Variants in ALK observed in about 807,000 individuals in gnomAD.
ALK encodes ALK tyrosine kinase receptor.
A neutral mutation model predicts 163.1 loss-of-function variants in ALK; 74 were observed. The ratio of observed to expected loss-of-function variants is 0.45; its 90% CI spans 0.38 to 0.55. The LOEUF (loss-of-function observed/expected upper bound fraction) is 0.55, where lower values mean the gene tolerates loss of function less well. ALK is among the 20% of genes least tolerant of loss of function. The pLI is 0.00. For synonymous variants in ALK, 960 were observed against 843.2 expected, an observed-to-expected ratio of 1.14 and a Z score of -2.40; for missense variants, 2,063 against 2,105.3, an observed-to-expected ratio of 0.98 and a Z score of 0.39.
At chr2:29,802,733 T>C (rs976490987) in intron 1 of ALK, among the ~76,000 whole-genome samples, 14 of 151,846 alleles carry the variant, frequency 9.2e-5, no homozygotes, top group African/African-American at 3.1e-4. Context: ...TATACCCTTG[T>C]ACCTACACTG....
chr2:29,560,661 T>G (rs946916724), intron 3 of ALK, among the ~76,000 whole-genome samples: 1 of 152,030 alleles, frequency 6.6e-6, no homozygotes, highest in African/African-American at 2.4e-5. Context: ...AGCCTTGACC[T>G]TCCAGATTCA....
At chr2:29,443,423 G>A (rs895994470) in intron 4 of ALK, among the ~76,000 whole-genome samples, 8 of 152,228 alleles carry the variant, frequency 5.3e-5, no homozygotes, top group Non-Finnish European at 1.2e-4. Context: ...CCGCCCAGGA[G>A]TGCCCCGTAT....
intron 3 of ALK, among the ~76,000 whole-genome samples, chr2:29,585,055 A>G (rs1375024732): frequency 6.6e-6 from 1 of 152,122 alleles, no homozygotes; most frequent in African/African-American, 2.4e-5. Context: ...GGTTTTTTGT[A>G]TTAAGGACAT....
At chr2:29,494,462 C>G (rs1573400654) in intron 4 of ALK, among the ~76,000 whole-genome samples, 1 of 152,078 alleles carries the variant, frequency 6.6e-6, no homozygotes, top group South Asian at 2.1e-4. Context: ...ATCTTTAAAA[C>G]AGCAAACTTT....
chr2:29,535,536 G>A (rs1673229382), intron 3 of ALK, among the ~76,000 whole-genome samples: 1 of 152,178 alleles, frequency 6.6e-6, no homozygotes, highest in South Asian at 2.1e-4. Context: ...TATGGCTGTT[G>A]TGAAGATTAA....
At chr2:29,247,613 G>A (rs1664715218) in intron 12 of ALK, among the ~76,000 whole-genome samples, 1 of 152,228 alleles carries the variant, frequency 6.6e-6, no homozygotes, top group Non-Finnish European at 1.5e-5. Flanking sequence ...GGTGGGAGGT[G>A]GGCCCAGGAT....
chr2:29,708,730 G>T (rs990437558), intron 2 of ALK, among the ~76,000 whole-genome samples: 3 of 152,198 alleles, frequency 2.0e-5, no homozygotes, highest in Non-Finnish European at 4.4e-5. Context: ...TGTGGGCTCT[G>T]CCAAGCAGAT....
chr2:29,682,386 A>C (rs527988441), intron 3 of ALK, among the ~76,000 whole-genome samples: 73 of 152,006 alleles, frequency 4.8e-4, no homozygotes, highest in Non-Finnish European at 1.0e-3. Flanking sequence ...TTTTTTTTAT[A>C]TTCCCAGTGC....
chr2:29,865,033 ATGG>A (rs879703358), intron 1 of ALK, among the ~76,000 whole-genome samples: 19 of 152,330 alleles, frequency 1.2e-4, no homozygotes, highest in Admixed American at 7.2e-4. Context: ...ACTGAGTTCA[ATGG>A]GCTTTTGCTC....
intron 11 of ALK, 83 bp from the exon 12 acceptor site, chr2:29,251,350 T>C: frequency 1.4e-6 from 2 of 1,402,698 alleles, no homozygotes; most frequent in South Asian, 1.2e-5. Flanking sequence ...CTCTGAGATA[T>C]CTGCTCCATG....
intron 1 of ALK, among the ~76,000 whole-genome samples, chr2:29,908,280 GCACACACACA>G (rs10607985): frequency 6.7e-6 from 1 of 148,470 alleles, no homozygotes; most frequent in South Asian, 2.2e-4. Flanking sequence ...ACTCTCCAGA[GCACACACACA>G]CACACACACA....
chr2:29,436,623 T>A (rs1258093750), intron 4 of ALK, among the ~76,000 whole-genome samples: 3 of 152,186 alleles, frequency 2.0e-5, no homozygotes, highest in South Asian at 4.1e-4. Context: ...AGAGGCCAGT[T>A]TTTTTGCTAT....
chr2:29,383,799 T>C lies in ALK; in HGVS notation c.1215A>G (p.Glu405=), dbSNP rs370235133. 1 of 1,614,196 alleles carries C rather than the reference T, an allele frequency of 6.2e-7. No individual in the cohort carries two copies. The highest frequency in any genetic ancestry group is 1.1e-5 in the South Asian group (1 of 91,088). The part of the protein sequence containing the change: ...RPDNPFRVAL[E]YISSGNRSLS... The stretch of plus-strand genomic sequence containing the variant: ...AGCTGCGGTTTCCACTGGAGATGTA[T>C]TCCAGGGCCACTCGAAATGGGTTGT... The change falls in exon 5 of 29, where the codon GAA becomes GAG. Residue 405 remains glutamate (E), a synonymous_variant. Transcript: ENST00000389048.
At chr2:29,692,744 C>A (rs1678438666) in intron 3 of ALK, among the ~76,000 whole-genome samples, 1 of 152,128 alleles carries the variant, frequency 6.6e-6, no homozygotes, top group Non-Finnish European at 1.5e-5. Flanking sequence ...TGTTAGGGAT[C>A]CCTGTTCTAG....
intron 3 of ALK, among the ~76,000 whole-genome samples, chr2:29,556,977 C>G (rs955772631): frequency 6.6e-6 from 1 of 152,120 alleles, no homozygotes; most frequent in Non-Finnish European, 1.5e-5. Context: ...AATATCTCTA[C>G]AAATACTTTA....
At chr2:29,371,232 C>T (rs925512623) in intron 5 of ALK, among the ~76,000 whole-genome samples, 5 of 152,228 alleles carry the variant, frequency 3.3e-5, no homozygotes, top group South Asian at 2.1e-4. Context: ...CCACAAAAAC[C>T]GTGCTCTCAG....
At chr2:29,207,615 G>T (rs532350659) in intron 25 of ALK, among the ~76,000 whole-genome samples, 1 of 152,344 alleles carries the variant, frequency 6.6e-6, no homozygotes, top group Non-Finnish European at 1.5e-5. Context: ...TAAGTATAGT[G>T]TGTTTCTGAT....
chr2:29,209,112 A>C (rs774122277), intron 25 of ALK, among the ~76,000 whole-genome samples: 6 of 135,860 alleles, frequency 4.4e-5, no homozygotes, highest in African/African-American at 6.1e-5. Flanking sequence ...AGCCACTTAG[A>C]ATTCCTGAGT....
intron 3 of ALK, among the ~76,000 whole-genome samples, chr2:29,575,483 C>T (rs1034043546): frequency 2.0e-5 from 3 of 152,182 alleles, no homozygotes; most frequent in Non-Finnish European, 4.4e-5. Context: ...ATGGCTATAG[C>T]TCTGTGACAT....
Sources: allele counts gnomAD v4.1 joint callset (sites outside exome capture counted in the v4.1 genomes callset), GRCh38; gene constraint gnomAD v4.1.1; transcripts MANE v1.5; gene names NCBI Gene and HGNC (gene_info 2026-07-23, HGNC 2026-07-21).